The following CRTAM variants were observed in gnomAD, a reference collection of about 807,000 sequenced individuals.
The protein encoded by CRTAM is cytotoxic and regulatory T-cell molecule.
In CRTAM, 44 loss-of-function variants were observed where a neutral mutation model predicts 50.0. The ratio of observed to expected loss-of-function variants is 0.88; its 90% confidence interval spans 0.69 to 1.13. CRTAM has a LOEUF of 1.13. Ranked by LOEUF, CRTAM falls within the 50% of genes most tolerant of loss-of-function variation. The probability of loss-of-function intolerance (pLI) is 0.00; values close to 1 mark genes in which losing one functional copy is unlikely to be tolerated. For synonymous variants in CRTAM, 159 were observed against 169.3 expected (o/e 0.94, Z 0.47); for missense variants, 448 against 457.5 (o/e 0.98, Z 0.19).
chr11:122,870,494 A>G (rs1269305814), intron 9 of CRTAM, among the ~76,000 whole-genome samples: 1 of 152,170 alleles, frequency 6.6e-6, no homozygotes, highest in African/African-American at 2.4e-5. Flanking sequence ...TCAAGCCTTC[A>G]CTTTCATCCT....
At chr11:122,861,361 T>TATACACAC (rs1491218105) in intron 5 of CRTAM, among the ~76,000 whole-genome samples, 1 of 94,174 alleles carries the variant, frequency 1.1e-5, no homozygotes, top group Non-Finnish European at 2.2e-5. Context: ...TATATATATA[T>TATACACAC]ACACACACAC....
intron 1 of CRTAM, among the ~76,000 whole-genome samples, chr11:122,849,538 A>G (rs1861904848): frequency 1.3e-5 from 2 of 152,190 alleles, no homozygotes; most frequent in Non-Finnish European, 1.5e-5. Context: ...CCTGGCCAAC[A>G]TAGTAAAACC....
intron 8 of CRTAM, 142 bp downstream of exon 8, chr11:122,867,697 G>C (rs1862197677): frequency 1.2e-6 from 1 of 860,998 alleles, no homozygotes; most frequent in Non-Finnish European, 1.7e-6. Flanking sequence ...GCAATTGTTT[G>C]TTTTCTAGTA....
At chr11:122,859,945 C>T (rs1407968526) in intron 5 of CRTAM, among the ~76,000 whole-genome samples, 7 of 152,202 alleles carry the variant, frequency 4.6e-5, no homozygotes, top group Admixed American at 6.5e-5. Flanking sequence ...ATATCATCAC[C>T]GATCTCATCA....
intron 7 of CRTAM, among the ~76,000 whole-genome samples, chr11:122,866,201 C>T (rs947877385): frequency 6.6e-6 from 1 of 152,046 alleles, no homozygotes; most frequent in Non-Finnish European, 1.5e-5. Flanking sequence ...AAACATCAAC[C>T]CTTTTCAATC....
chr11:122,846,020 C>A (rs1347260327), intron 1 of CRTAM, among the ~76,000 whole-genome samples: 5 of 152,054 alleles, frequency 3.3e-5, no homozygotes, highest in Admixed American at 2.6e-4. Flanking sequence ...AGAAAAAAAA[C>A]AATGATGGTA....
chr11:122,855,635 A>G, intron 4 of CRTAM, 60 bp from the exon 5 acceptor site: 3 of 1,500,454 alleles, frequency 2.0e-6, no homozygotes, highest in Non-Finnish European at 2.8e-6. Context: ...TTGGCCTCTA[A>G]TAGAACCAAC....
Position 122,851,683 on chromosome 11 carries a change from T to C in CRTAM, c.194-10T>C. 1.2e-6 allele frequency: 2 copies of C among 1,613,904 alleles called. No homozygotes were observed. The highest frequency in any genetic ancestry group is 1.7e-6 in the Non-Finnish European group (2 of 1,179,772). Reference sequence around the variant, plus strand: ...TTTCCTCATAACAGCTCTATTTCCCTCTTGTACAGCTTTAAAAAATTCCAA... The same window carrying C: ...TTTCCTCATAACAGCTCTATTTCCCCCTTGTACAGCTTTAAAAAATTCCAA... On this transcript the variant is annotated splice_polypyrimidine_tract_variant and intron_variant, in intron 2 of 9. Coordinates refer to ENST00000227348, the MANE Select transcript of CRTAM (RefSeq NM_019604.4).
intron 3 of CRTAM, 21 bp downstream of exon 3, chr11:122,851,866 C>T (rs761080771): frequency 6.2e-6 from 10 of 1,611,218 alleles, no homozygotes; most frequent in Admixed American, 3.3e-5. Context: ...GCAAGTGAAC[C>T]CAGTAGGGGA....
At chr11:122,845,687 A>G (rs978655800) in intron 1 of CRTAM, among the ~76,000 whole-genome samples, 2 of 152,170 alleles carry the variant, frequency 1.3e-5, no homozygotes, top group African/African-American at 2.4e-5. Context: ...AGCCTGGGTG[A>G]CAGAATGAGA....
At chr11:122,864,096 C>G (rs1862137409) in intron 6 of CRTAM, among the ~76,000 whole-genome samples, 1 of 152,132 alleles carries the variant, frequency 6.6e-6, no homozygotes, top group South Asian at 2.1e-4. Flanking sequence ...GTTTGAATAA[C>G]TGAAGCTATA....
chr11:122,868,340 C>T (rs1862209031), intron 9 of CRTAM, among the ~76,000 whole-genome samples: 1 of 151,916 alleles, frequency 6.6e-6, no homozygotes, highest in African/African-American at 2.4e-5. Flanking sequence ...TGCTGGTAGC[C>T]TGGCTCAGTC....
chr11:122,847,925 G>C (rs1345657505), intron 1 of CRTAM, among the ~76,000 whole-genome samples: 1 of 152,250 alleles, frequency 6.6e-6, no homozygotes, highest in Non-Finnish European at 1.5e-5. Context: ...TCTTCTGGAA[G>C]TCTTTGAAAG....
chr11:122,869,704 G>A lies in CRTAM; in HGVS notation c.1052-1565G>A, dbSNP rs532580493. Among the ~76,000 whole-genome samples the A allele has an allele frequency of 7.8e-4, 119 of 152,268 alleles. No homozygotes were observed. In the South Asian group the frequency reaches 0.023, roughly 30 times the overall value. On this transcript the variant is annotated intron_variant, in intron 9 of 9. Transcript: ENST00000227348. ...GCTCTATTCTATTGGTTTTACTGAG[G>A]TTTTTGTAGGAGGCTTGTCTTTTAT... is the stretch of plus-strand genomic sequence containing the variant.
In CRTAM at chr11:122,866,520, CCTT is replaced by C. The variant is rs144573616; in HGVS notation, c.818-888_818-886del. Among the ~76,000 whole-genome samples the C allele has an allele frequency of 2.0e-3, 304 of 152,180 alleles. 10 individuals are homozygous for C. In the East Asian group the frequency reaches 0.053, roughly 27 times the overall value. On this transcript the variant is annotated intron_variant, in intron 7 of 9. Transcript: ENST00000227348. ...CAATGTTCTACACATAGCTGGCACT[CCTT>C]AATTATTCATTGGTTAAGATGAGGT...
chr11:122,851,655 A>G (rs534770274), intron 2 of CRTAM, 38 bp from the exon 3 acceptor site: 1 of 1,606,078 alleles, frequency 6.2e-7, no homozygotes, highest in Admixed American at 1.7e-5. Flanking sequence ...TTCATCGGAT[A>G]TCTTTCCTCA....
intron 1 of CRTAM, among the ~76,000 whole-genome samples, chr11:122,839,644 G>T (rs763306984): frequency 6.6e-6 from 1 of 152,160 alleles, no homozygotes; most frequent in Non-Finnish European, 1.5e-5. Context: ...AGTGGCTCCT[G>T]TTGTCCCTCA....
At chr11:122,852,583 A>G (rs1861945661) in intron 3 of CRTAM, among the ~76,000 whole-genome samples, 1 of 152,160 alleles carries the variant, frequency 6.6e-6, no homozygotes, top group African/African-American at 2.4e-5. Context: ...GGTGCCTGCC[A>G]TACGGTAAAG....
At chr11:122,860,278 G>A (rs566699154) in intron 5 of CRTAM, among the ~76,000 whole-genome samples, 19 of 152,208 alleles carry the variant, frequency 1.2e-4, no homozygotes, top group East Asian at 3.9e-4. Flanking sequence ...TTGAACTCCC[G>A]GCCTCAGGTG....
Sources: allele counts gnomAD v4.1 joint callset (sites outside exome capture counted in the v4.1 genomes callset), GRCh38; gene constraint gnomAD v4.1.1; transcripts MANE v1.5; gene names NCBI Gene and HGNC (gene_info 2026-07-23, HGNC 2026-07-21).